The following GLRB variants were observed in gnomAD, a reference collection of about 807,000 sequenced individuals.
GLRB encodes the protein glycine receptor subunit beta.
A neutral mutation model predicts 54.2 loss-of-function variants in GLRB; 33 were observed. The ratio of observed to expected loss-of-function variants is 0.61; its 90% confidence interval spans 0.46 to 0.81. The LOEUF is 0.81. Ranked by LOEUF, GLRB falls within the 40% of genes least tolerant of loss-of-function variation. The pLI, the probability that GLRB is intolerant of heterozygous loss-of-function variation, is 0.00. For synonymous variants in GLRB, 209 were observed against 208.2 expected, an observed-to-expected ratio of 1.00 and a Z score of -0.03; for missense variants, 572 against 584.6, an observed-to-expected ratio of 0.98 and a Z score of 0.22.
chr4:157,102,255 T>C (rs932266601), intron 2 of GLRB, among the ~76,000 whole-genome samples: 2 of 152,298 alleles, frequency 1.3e-5, no homozygotes, highest in East Asian at 1.9e-4. Flanking sequence ...AATTGTACAA[T>C]ACAGTACTGT....
rs978184081 is a variant in GLRB at position 157,162,160 on chromosome 4, G to A, written c.1198-8272G>A. ...CTTGTGAATGCATCACGTAGTTCTC[G>A]TGCCATGGTTTTCAGCTCCATCAGG... On this transcript the variant is annotated intron_variant, in intron 9 of 9. Coordinates refer to ENST00000264428, the MANE Select transcript of GLRB (RefSeq NM_000824.5). Among the ~76,000 whole-genome samples the A allele has an allele frequency of 3.3e-5, 5 of 152,094 alleles. No individual in the cohort carries two copies. In the East Asian group the frequency reaches 7.7e-4, roughly 24 times the overall value.
intron 9 of GLRB, among the ~76,000 whole-genome samples, chr4:157,164,944 T>G (rs962573878): frequency 6.6e-6 from 1 of 152,168 alleles, no homozygotes; most frequent in Non-Finnish European, 1.5e-5. Context: ...ATATTTTAAT[T>G]CTCTATGTTT....
In GLRB at chr4:157,162,939, G is replaced by C. The variant is rs189044007; in HGVS notation, c.1198-7493G>C. On this transcript the variant is annotated intron_variant, in intron 9 of 9. Transcript: ENST00000264428. ...AACTAGGCCTGCCCCCAGAGGTGGAGTCTAGAGAGGCAGGCAGGCCTCCTT... is the reference window on the plus strand; with the variant it reads ...AACTAGGCCTGCCCCCAGAGGTGGACTCTAGAGAGGCAGGCAGGCCTCCTT... Among the ~76,000 whole-genome samples the C allele has an allele frequency of 9.9e-4, 151 of 152,314 alleles. 1 individual carries two copies. Among genetic ancestry groups the C allele is most frequent in the Non-Finnish European group, 1.7e-3 (114 of 68,030 alleles).
chr4:157,084,806 G>T (rs1043471476), intron 2 of GLRB: 2 of 399,816 alleles, frequency 5.0e-6, no homozygotes, highest in African/African-American at 4.2e-5. Context: ...TTCCTATTCT[G>T]ACTGTTTTGT....
chr4:157,170,855 A>C lies in GLRB; in HGVS notation c.*127A>C. On this transcript the variant is annotated 3_prime_UTR_variant, in exon 10 of 10. Transcript: ENST00000264428. ...TGCATTTTGGATGCCATTTGATTGT[A>C]ATAAAACTGTGGCACCTTAATTTTG... The C allele has an allele frequency of 1.7e-6, 1 of 596,210 alleles. No individual in the cohort carries two copies. Among genetic ancestry groups the C allele is most frequent in the East Asian group, 2.8e-5 (1 of 35,936 alleles). The allele number at this position is 596,210 out of a possible 1,614,324, so 36.9% of individuals were successfully genotyped here. A position where few individuals can be genotyped will look rare whatever the true frequency, so the allele number is the denominator to read the frequency against.
intron 2 of GLRB, among the ~76,000 whole-genome samples, chr4:157,111,032 G>A (rs927492102): frequency 1.3e-4 from 19 of 151,570 alleles, no homozygotes; most frequent in African/African-American, 3.6e-4. Context: ...TGTTGAGCTC[G>A]GGTAGCATCT....
At chr4:157,151,333 G>A (rs1737015314) in intron 8 of GLRB, among the ~76,000 whole-genome samples, 1 of 151,974 alleles carries the variant, frequency 6.6e-6, no homozygotes, top group Non-Finnish European at 1.5e-5. Flanking sequence ...TGTAGTTTAG[G>A]GCAGTAATTG....
rs75311023 is a variant in GLRB, at chr4:157,080,326, A to G, written c.122+2180A>G. 6.3e-3 allele frequency among the ~76,000 whole-genome samples: 961 copies of G among 152,286 alleles called. 22 individuals are homozygous for G. In the East Asian group the frequency reaches 0.1, roughly 16 times the overall value. ...TGAAATTTTATCTTTGAATTTTTAC[A>G]TTATAGGTTTTTTAAAAATAATTAT... On this transcript the variant is annotated intron_variant, in intron 2 of 9. Coordinates refer to ENST00000264428, the MANE Select transcript of GLRB (RefSeq NM_000824.5).
In GLRB at chr4:157,079,056, G is replaced by T. The variant is rs541735307; in HGVS notation, c.122+910G>T. ...CCCAAAGTGCTGGGATTACAGGCGT[G>T]GTTCACCGCACCTGGCCAAGTCTTT... On this transcript the variant is annotated intron_variant, in intron 2 of 9. Transcript: ENST00000264428. Among the ~76,000 whole-genome samples, 234 of 152,304 alleles carry T rather than the reference G, an allele frequency of 1.5e-3. 1 individual carries two copies. The highest frequency in any genetic ancestry group is 5.3e-3 in the African/African-American group (222 of 41,548).
At chr4:157,117,165 C>G (rs897048414) in intron 2 of GLRB, among the ~76,000 whole-genome samples, 2 of 151,640 alleles carry the variant, frequency 1.3e-5, no homozygotes, top group East Asian at 3.9e-4. Flanking sequence ...ATGAATAGAA[C>G]TCAAGGTAAA....
At chr4:157,142,286 G>A (rs941510122) in intron 7 of GLRB, among the ~76,000 whole-genome samples, 1 of 152,056 alleles carries the variant, frequency 6.6e-6, no homozygotes, top group African/African-American at 2.4e-5. Context: ...ACCTGTGAAT[G>A]ACTTGATATA....
chr4:157,146,044 T>G (rs1736795436), intron 8 of GLRB, among the ~76,000 whole-genome samples: 1 of 149,994 alleles, frequency 6.7e-6, no homozygotes, highest in Non-Finnish European at 1.5e-5. Context: ...TTTGATGGAG[T>G]CTTGCTCTGT....
chr4:157,110,883 G>C (rs1287744894), intron 2 of GLRB, among the ~76,000 whole-genome samples: 1 of 152,004 alleles, frequency 6.6e-6, no homozygotes. Context: ...TTGTTAGGCT[G>C]TCTATCCTCC....
intron 2 of GLRB, 106 bp downstream of exon 2, chr4:157,078,252 G>C: frequency 6.4e-7 from 1 of 1,555,212 alleles, no homozygotes; most frequent in Non-Finnish European, 8.7e-7. Flanking sequence ...TTTCATATCG[G>C]AATGTATATC....
chr4:157,167,565 T>C (rs1200893408), intron 9 of GLRB, among the ~76,000 whole-genome samples: 4 of 152,184 alleles, frequency 2.6e-5, no homozygotes, highest in Non-Finnish European at 5.9e-5. Context: ...TCAACTTAGA[T>C]AAATGGGGCA....
chr4:157,110,356 C>A (rs1735373384), intron 2 of GLRB, among the ~76,000 whole-genome samples: 1 of 151,392 alleles, frequency 6.6e-6, no homozygotes, highest in Non-Finnish European at 1.5e-5. Flanking sequence ...TCTTTTTTTG[C>A]TCTGAATTAT....
intron 9 of GLRB, among the ~76,000 whole-genome samples, chr4:157,157,969 T>C (rs1737301604): frequency 6.6e-6 from 1 of 152,208 alleles, no homozygotes; most frequent in African/African-American, 2.4e-5. Context: ...TGTAAAAGCA[T>C]TCCTATTTCT....
At chr4:157,093,466 C>T (rs1390780741) in intron 2 of GLRB, among the ~76,000 whole-genome samples, 4 of 152,142 alleles carry the variant, frequency 2.6e-5, no homozygotes, top group South Asian at 2.1e-4. Flanking sequence ...TCTGGCCAGG[C>T]GCAGTGACTC....
chr4:157,155,371 T>A (rs1283694822), intron 9 of GLRB, among the ~76,000 whole-genome samples: 1 of 152,164 alleles, frequency 6.6e-6, no homozygotes, highest in African/African-American at 2.4e-5. Flanking sequence ...CCTCAAGTGA[T>A]CCACCTGCTT....
Sources: allele counts gnomAD v4.1 joint callset (sites outside exome capture counted in the v4.1 genomes callset), GRCh38; gene constraint gnomAD v4.1.1; transcripts MANE v1.5; gene names NCBI Gene and HGNC (gene_info 2026-07-23, HGNC 2026-07-21).